PARD3B: variants seen among roughly 807,000 people sequenced by gnomAD.
The protein encoded by PARD3B is partitioning defective 3 homolog B.
Under a neutral mutation model 130.2 loss-of-function variants are expected in PARD3B, and 103 were observed. The ratio of observed to expected loss-of-function variants is 0.79; its 90% CI spans 0.67 to 0.93. The LOEUF is 0.93. Ranked by LOEUF, PARD3B falls within the 40% of genes least tolerant of loss-of-function variation. The pLI is 0.00. For synonymous variants in PARD3B, 583 were observed against 553.2 expected, an observed-to-expected ratio of 1.05 and a Z score of -0.76; for missense variants, 1,609 against 1,499.2, an observed-to-expected ratio of 1.07 and a Z score of -1.21.
chr2:205,129,533 T>C lies in PARD3B; in HGVS notation c.1434+3796T>C, dbSNP rs114227736. On this transcript the variant is annotated intron_variant, in intron 10 of 22. Transcript: ENST00000406610. ...ATTGATGTACACACTTGACTTTCCA[T>C]TGAAAATCTGGCAGGATGAAGGAAG... is the stretch of plus-strand genomic sequence containing the variant. Among the ~76,000 whole-genome samples, 499 of 152,348 alleles carry C rather than the reference T, an allele frequency of 3.3e-3. 3 individuals carry two copies. Among genetic ancestry groups the C allele is most frequent in the African/African-American group, 0.011 (458 of 41,582 alleles).
intron 2 of PARD3B, among the ~76,000 whole-genome samples, chr2:204,705,822 C>A (rs992609425): frequency 6.6e-6 from 1 of 152,094 alleles, no homozygotes; most frequent in Non-Finnish European, 1.5e-5. Context: ...TAAGTTTGAC[C>A]GAACGCTAGC....
intron 3 of PARD3B, among the ~76,000 whole-genome samples, chr2:205,030,614 T>C (rs1697346660): frequency 2.0e-5 from 3 of 152,186 alleles, no homozygotes; most frequent in African/African-American, 7.2e-5. Context: ...TCTTTTTATC[T>C]CTTTAAAACT....
At chr2:204,591,249 C>A (rs898910330) in intron 1 of PARD3B, among the ~76,000 whole-genome samples, 1 of 152,122 alleles carries the variant, frequency 6.6e-6, no homozygotes, top group Non-Finnish European at 1.5e-5. Context: ...TCAGAATGCA[C>A]CAAATGGAAG....
At chr2:204,641,222 A>C (rs979339275) in intron 1 of PARD3B, among the ~76,000 whole-genome samples, 1 of 149,672 alleles carries the variant, frequency 6.7e-6, no homozygotes, top group East Asian at 1.9e-4. Flanking sequence ...ATGTAAATGT[A>C]TATATAATAA....
chr2:204,939,888 C>T (rs1319973879), intron 2 of PARD3B, among the ~76,000 whole-genome samples: 2 of 152,110 alleles, frequency 1.3e-5, no homozygotes, highest in Admixed American at 6.5e-5. Context: ...TTTCTCAAGC[C>T]ATTGGCCCCA....
At chr2:204,646,110 T>C (rs1194465271) in intron 1 of PARD3B, among the ~76,000 whole-genome samples, 2 of 152,096 alleles carry the variant, frequency 1.3e-5, no homozygotes, top group African/African-American at 4.8e-5. Context: ...ATAGGAGATA[T>C]ACAGACATGC....
At chr2:204,820,271 T>A (rs576438414) in intron 2 of PARD3B, among the ~76,000 whole-genome samples, 2 of 151,350 alleles carry the variant, frequency 1.3e-5, no homozygotes, top group Admixed American at 1.3e-4. Context: ...GAGACTGGAT[T>A]TCACCATGTT....
intron 15 of PARD3B, among the ~76,000 whole-genome samples, chr2:205,195,830 T>A (rs1008643): frequency 0.78 from 117,385 of 151,132 alleles, 45,973 homozygotes; most frequent in East Asian, 0.97. Context: ...GTTCAAAATT[T>A]AAAAAAAAAA....
intron 2 of PARD3B, among the ~76,000 whole-genome samples, chr2:204,858,786 T>C (rs1357585958): frequency 6.7e-6 from 1 of 148,310 alleles, no homozygotes; most frequent in African/African-American, 2.4e-5. Flanking sequence ...ATATATAATA[T>C]ATAAAAAATA....
At chr2:205,094,558 T>C (rs1342747190) in intron 4 of PARD3B, among the ~76,000 whole-genome samples, 1 of 152,126 alleles carries the variant, frequency 6.6e-6, no homozygotes, top group East Asian at 1.9e-4. Flanking sequence ...CACATACGAA[T>C]AAGTGTGCTT....
chr2:204,721,065 T>A (rs560319625), intron 2 of PARD3B, among the ~76,000 whole-genome samples: 1 of 152,222 alleles, frequency 6.6e-6, no homozygotes, highest in African/African-American at 2.4e-5. Flanking sequence ...GGTCATAACT[T>A]AGTCATGAGA....
At position 204,915,272 on chromosome 2, in the gene PARD3B, G is replaced by A. The variant is rs187829490; in HGVS notation, c.223-49880G>A. Reference sequence around the variant, plus strand: ...ACTTTCTTCTTGTCAAAGGGCCTGCGCTATACTTAATAAACTATCTAATTA... The same window carrying A: ...ACTTTCTTCTTGTCAAAGGGCCTGCACTATACTTAATAAACTATCTAATTA... On this transcript the variant is annotated intron_variant, in intron 2 of 22. Coordinates refer to ENST00000406610, the MANE Select transcript of PARD3B (RefSeq NM_001302769.2). Among the ~76,000 whole-genome samples, 455 of 152,072 alleles carry A rather than the reference G, an allele frequency of 3.0e-3. 9 individuals are homozygous for A. Among genetic ancestry groups the A allele is most frequent in the Admixed American group, 0.027 (416 of 15,280 alleles).
intron 3 of PARD3B, among the ~76,000 whole-genome samples, chr2:205,001,452 T>C (rs991814292): frequency 2.0e-5 from 3 of 152,228 alleles, no homozygotes; most frequent in Non-Finnish European, 4.4e-5. Flanking sequence ...ATTTATTTCC[T>C]TTTCATACAG....
chr2:204,760,643 CT>C (rs2040860678), intron 2 of PARD3B, among the ~76,000 whole-genome samples: 1 of 152,034 alleles, frequency 6.6e-6, no homozygotes, highest in Non-Finnish European at 1.5e-5. Context: ...ACTTATCTCT[CT>C]TTTAAATACC....
chr2:205,307,381 A>T (rs1004466587), intron 18 of PARD3B, among the ~76,000 whole-genome samples: 1 of 152,242 alleles, frequency 6.6e-6, no homozygotes, highest in East Asian at 1.9e-4. Flanking sequence ...TGTGATTCTT[A>T]TATAGACCAT....
chr2:205,422,013 G>A (rs138336033), intron 19 of PARD3B, among the ~76,000 whole-genome samples: 1 of 152,160 alleles, frequency 6.6e-6, no homozygotes, highest in Non-Finnish European at 1.5e-5. Context: ...AAACAAGGAC[G>A]CTGCTTCCAT....
intron 4 of PARD3B, among the ~76,000 whole-genome samples, chr2:205,086,804 A>G (rs902900791): frequency 4.6e-5 from 7 of 152,318 alleles, no homozygotes; most frequent in Non-Finnish European, 1.0e-4. Flanking sequence ...GATGAAGCCC[A>G]CAGGGGTGGG....
chr2:204,583,627 A>G (rs1480494000), intron 1 of PARD3B, among the ~76,000 whole-genome samples: 1 of 146,046 alleles, frequency 6.8e-6, no homozygotes, highest in Non-Finnish European at 1.5e-5. Flanking sequence ...AAGTATAAAA[A>G]AAAAAAAAAA....
intron 1 of PARD3B, among the ~76,000 whole-genome samples, chr2:204,682,195 A>T (rs1363342951): frequency 6.6e-6 from 1 of 152,114 alleles, no homozygotes; most frequent in East Asian, 1.9e-4. Context: ...TTATGTAGGG[A>T]TAGAAATGGA....
Sources: allele counts gnomAD v4.1 joint callset (sites outside exome capture counted in the v4.1 genomes callset), GRCh38; gene constraint gnomAD v4.1.1; transcripts MANE v1.5; gene names NCBI Gene and HGNC (gene_info 2026-07-23, HGNC 2026-07-21).